METTL15: variants seen among roughly 807,000 people sequenced by gnomAD.
The protein encoded by METTL15 is 12S rRNA N(4)-cytidine methyltransferase METTL15.
A neutral mutation model predicts 38.3 loss-of-function variants in METTL15; 34 were observed. The observed-to-expected ratio is 0.89, with a 90% CI of 0.68 to 1.18. METTL15 has a LOEUF of 1.18. Among genes scored for constraint, METTL15 ranks in the 50% most tolerant of loss-of-function variants. The probability of loss-of-function intolerance (pLI) is 0.00; values close to 1 mark genes in which losing one functional copy is unlikely to be tolerated. For synonymous variants in METTL15, 162 were observed against 170.9 expected, an observed-to-expected ratio of 0.95 and a Z score of 0.41; for missense variants, 438 against 498.4, an observed-to-expected ratio of 0.88 and a Z score of 1.15.
At chr11:28,374,116 T>G (rs1850278429) in intron 5 of METTL15, among the ~76,000 whole-genome samples, 1 of 152,202 alleles carries the variant, frequency 6.6e-6, no homozygotes, top group African/African-American at 2.4e-5. Flanking sequence ...TCCAGCTTTG[T>G]TCTTTTGGCT....
intron 3 of METTL15, among the ~76,000 whole-genome samples, chr11:28,146,515 A>T (rs1273532879): frequency 6.6e-6 from 1 of 152,028 alleles, no homozygotes; most frequent in Non-Finnish European, 1.5e-5. Context: ...ATAGATTTTT[A>T]AAAATCTGTT....
At chr11:28,222,341 A>T (rs1590182412) in intron 4 of METTL15, among the ~76,000 whole-genome samples, 2 of 151,966 alleles carry the variant, frequency 1.3e-5, no homozygotes. Context: ...TGGGCATAGG[A>T]CCCTCCTAGC....
chr11:28,334,491 A>G (rs576905727), downstream of METTL15, among the ~76,000 whole-genome samples: 11 of 152,108 alleles, frequency 7.2e-5, no homozygotes, highest in Non-Finnish European at 1.6e-4. Context: ...GCATTTAAAC[A>G]TAAAGAGAAT....
intron 3 of METTL15, among the ~76,000 whole-genome samples, chr11:28,199,416 T>C (rs1049163588): frequency 6.6e-6 from 1 of 152,162 alleles, no homozygotes; most frequent in Non-Finnish European, 1.5e-5. Flanking sequence ...TTACTATAAA[T>C]AATTATTCTA....
intron 4 of METTL15, among the ~76,000 whole-genome samples, chr11:28,358,754 C>A (rs1850111177): frequency 6.6e-6 from 1 of 152,084 alleles, no homozygotes; most frequent in Non-Finnish European, 1.5e-5. Flanking sequence ...GAATCTCACA[C>A]AGTAAAGACA....
At chr11:28,345,189 G>A (rs953754768) in intron 3 of METTL15, among the ~76,000 whole-genome samples, 8 of 151,778 alleles carry the variant, frequency 5.3e-5, no homozygotes, top group Non-Finnish European at 1.0e-4. Flanking sequence ...TTTTTTTGTT[G>A]TTGTCGTTGT....
downstream of METTL15, among the ~76,000 whole-genome samples, chr11:28,337,698 GTA>G (rs1044724248): frequency 1.3e-5 from 2 of 151,880 alleles, no homozygotes; most frequent in Non-Finnish European, 2.9e-5. Context: ...AGTATTTTTA[GTA>G]TTTTTACTGT....
intron 4 of METTL15, among the ~76,000 whole-genome samples, chr11:28,233,643 A>G (rs1404823610): frequency 6.6e-6 from 1 of 152,026 alleles, no homozygotes; most frequent in Non-Finnish European, 1.5e-5. Context: ...AATTATTGTT[A>G]CCATAACAGT....
chr11:28,240,532 C>A (rs968915935), intron 4 of METTL15, among the ~76,000 whole-genome samples: 1 of 152,122 alleles, frequency 6.6e-6, no homozygotes, highest in Non-Finnish European at 1.5e-5. Context: ...ATTAAGATTT[C>A]TATACCAGTT....
intron 3 of METTL15, among the ~76,000 whole-genome samples, chr11:28,343,215 G>GAA (rs35539603): frequency 5.4e-5 from 7 of 129,704 alleles, no homozygotes; most frequent in African/African-American, 1.7e-4. Flanking sequence ...TCAGGGAGAA[G>GAA]AAAAAAAAAA....
intron 3 of METTL15, among the ~76,000 whole-genome samples, chr11:28,120,626 T>G (rs1464750780): frequency 6.6e-6 from 1 of 152,230 alleles, no homozygotes; most frequent in African/African-American, 2.4e-5. Flanking sequence ...TCTGCCTATT[T>G]CTTCAACTTC....
intron 6 of METTL15, among the ~76,000 whole-genome samples, chr11:28,317,300 T>G (rs1857514468): frequency 6.6e-6 from 1 of 152,142 alleles, no homozygotes; most frequent in Non-Finnish European, 1.5e-5. Context: ...TCACAGATTT[T>G]AATTAACAGT....
intron 6 of METTL15, among the ~76,000 whole-genome samples, chr11:28,508,488 C>T (rs1175434023): frequency 6.6e-6 from 1 of 152,186 alleles, no homozygotes; most frequent in Admixed American, 6.5e-5. Flanking sequence ...ACTTATCCAT[C>T]CACCCAAAGA....
At chr11:28,269,224 T>A (rs963320504) in intron 4 of METTL15, among the ~76,000 whole-genome samples, 1 of 152,156 alleles carries the variant, frequency 6.6e-6, no homozygotes, top group Non-Finnish European at 1.5e-5. Flanking sequence ...CCTTTGGCAC[T>A]GCTGTTTTTT....
chr11:28,506,461 A>G (rs1851627917), intron 6 of METTL15, among the ~76,000 whole-genome samples: 1 of 152,224 alleles, frequency 6.6e-6, no homozygotes, highest in Admixed American at 6.5e-5. Context: ...AAAAGATTAA[A>G]TGAAACCATA....
At chr11:28,419,423 C>T (rs141140485) in intron 5 of METTL15, among the ~76,000 whole-genome samples, 487 of 152,300 alleles carry the variant, frequency 3.2e-3, no homozygotes, top group Non-Finnish European at 5.3e-3. Context: ...ACGTCTACAA[C>T]AACCACAGTG....
chr11:28,118,067 A>G (rs1019122910), intron 3 of METTL15, among the ~76,000 whole-genome samples: 1 of 152,012 alleles, frequency 6.6e-6, no homozygotes, highest in African/African-American at 2.4e-5. Context: ...CAGTGGCACA[A>G]TCTCAGCTTA....
intron 6 of METTL15, among the ~76,000 whole-genome samples, chr11:28,308,934 A>G (rs925193429): frequency 2.6e-5 from 4 of 152,082 alleles, no homozygotes; most frequent in African/African-American, 9.6e-5. Context: ...ATAGATAGAT[A>G]GGCAGGCAGG....
At chr11:28,497,617 G>T (rs1363963315) in intron 6 of METTL15, among the ~76,000 whole-genome samples, 1 of 152,166 alleles carries the variant, frequency 6.6e-6, no homozygotes, top group Admixed American at 6.5e-5. Context: ...TCTAGAGGCT[G>T]GGAAGTCCAT....
Sources: allele counts gnomAD v4.1 joint callset (sites outside exome capture counted in the v4.1 genomes callset), GRCh38; gene constraint gnomAD v4.1.1; transcripts MANE v1.5; gene names NCBI Gene and HGNC (gene_info 2026-07-23, HGNC 2026-07-21).